MAF: variants seen among roughly 807,000 people sequenced by gnomAD.
The protein encoded by MAF is MAF bZIP transcription factor, also known as transcription factor Maf.
A neutral mutation model predicts 22.0 loss-of-function variants in MAF; 10 were observed. That is an observed-to-expected ratio of 0.45 (90% CI 0.28 to 0.77). The LOEUF (loss-of-function observed/expected upper bound fraction) is 0.77, where lower values mean the gene tolerates loss of function less well. Ranked by LOEUF, MAF falls within the 30% of genes least tolerant of loss-of-function variation. MAF has a pLI of 0.12. For missense variants in MAF, 544 were observed against 548.4 expected, an observed-to-expected ratio of 0.99 and a Z score of 0.08; for synonymous variants, 337 against 255.8, an observed-to-expected ratio of 1.32 and a Z score of -3.03.
chr16:79,265,421 G>A, the MAF span, among the ~76,000 whole-genome samples: 1 of 152,082 alleles, frequency 6.6e-6, no homozygotes, highest in Non-Finnish European at 1.5e-5. Flanking sequence ...CTTTCGCCAG[G>A]GTCCCGAATA....
At chr16:79,354,672 C>A in the MAF span, among the ~76,000 whole-genome samples, 1 of 152,088 alleles carries the variant, frequency 6.6e-6, no homozygotes, top group South Asian at 2.1e-4. Flanking sequence ...CATTTTATGC[C>A]CATTTGTCCA....
the MAF span, among the ~76,000 whole-genome samples, chr16:79,285,429 A>G: frequency 6.6e-6 from 1 of 152,070 alleles, no homozygotes; most frequent in Non-Finnish European, 1.5e-5. Flanking sequence ...CCTAAGCTGT[A>G]CAGCTGGAAA....
At chr16:79,365,385 T>C in the MAF span, among the ~76,000 whole-genome samples, 2 of 152,232 alleles carry the variant, frequency 1.3e-5, no homozygotes, top group East Asian at 1.9e-4. Flanking sequence ...GAAAGTGGAG[T>C]TGAAAACAAA....
chr16:79,237,703 G>A, the MAF span, among the ~76,000 whole-genome samples: 1 of 152,122 alleles, frequency 6.6e-6, no homozygotes. Context: ...GTTTGGGGCT[G>A]GATCACTCTT....
chr16:79,508,986 T>C, the MAF span, among the ~76,000 whole-genome samples: 1 of 152,338 alleles, frequency 6.6e-6, no homozygotes, highest in South Asian at 2.1e-4. Flanking sequence ...ACAAATTGTA[T>C]ACTTTAAACC....
the MAF span, among the ~76,000 whole-genome samples, chr16:79,249,748 C>CCCTCCCTT: frequency 6.6e-6 from 1 of 151,922 alleles, no homozygotes; most frequent in Non-Finnish European, 1.5e-5. Flanking sequence ...CCCGCTCCCT[C>CCCTCCCTT]CCTCCCTTCC....
chr16:79,502,571 T>C, the MAF span, among the ~76,000 whole-genome samples: 3 of 150,678 alleles, frequency 2.0e-5, no homozygotes, highest in Admixed American at 1.3e-4. Flanking sequence ...GAGGCTGGGG[T>C]GAGAGGATAG....
chr16:79,384,451 GA>G, the MAF span, among the ~76,000 whole-genome samples: 181 of 109,812 alleles, frequency 1.6e-3, no homozygotes, highest in East Asian at 5.1e-3. Context: ...GTCTCAAAAA[GA>G]AAAAAAAAAA....
the MAF span, among the ~76,000 whole-genome samples, chr16:79,465,170 C>A: frequency 1.3e-5 from 2 of 152,184 alleles, no homozygotes; most frequent in Non-Finnish European, 2.9e-5. Context: ...TCAATGCTGA[C>A]AATACCAAAA....
At chr16:79,493,498 A>T in the MAF span, among the ~76,000 whole-genome samples, 30 of 152,224 alleles carry the variant, frequency 2.0e-4, no homozygotes, top group African/African-American at 7.2e-4. Context: ...TATTTTTAGT[A>T]GAGACAGGTT....
At chr16:79,320,724 C>T in the MAF span, among the ~76,000 whole-genome samples, 1 of 152,174 alleles carries the variant, frequency 6.6e-6, no homozygotes. Flanking sequence ...CTGTTGTGAA[C>T]ATTAAATGAT....
At chr16:79,465,670 T>C in the MAF span, among the ~76,000 whole-genome samples, 1 of 152,166 alleles carries the variant, frequency 6.6e-6, no homozygotes, top group Non-Finnish European at 1.5e-5. Context: ...TTTTTTTAAA[T>C]CAGACTGATC....
At chr16:79,547,567 G>A in the MAF span, among the ~76,000 whole-genome samples, 14 of 152,040 alleles carry the variant, frequency 9.2e-5, no homozygotes, top group South Asian at 2.1e-4. Flanking sequence ...AAAGTTAATC[G>A]TAAAGCAATT....
the MAF span, among the ~76,000 whole-genome samples, chr16:79,571,530 A>ATTTTTT: frequency 1.2e-4 from 12 of 103,872 alleles, no homozygotes; most frequent in African/African-American, 3.3e-4. Context: ...TCTCAGCGGA[A>ATTTTTT]TTTTTTTTTT....
chr16:79,499,972 A>G, the MAF span, among the ~76,000 whole-genome samples: 38 of 152,308 alleles, frequency 2.5e-4, 1 homozygote, highest in Non-Finnish European at 4.7e-4. Flanking sequence ...AGAAAGAGGC[A>G]GAGGGAGTTT....
At chr16:79,302,314 A>T in the MAF span, among the ~76,000 whole-genome samples, 1 of 152,242 alleles carries the variant, frequency 6.6e-6, no homozygotes, top group African/African-American at 2.4e-5. Context: ...TCTAATTTCT[A>T]ATGAGCAATG....
chr16:79,408,087 A>AAAC, the MAF span, among the ~76,000 whole-genome samples: 1 of 149,132 alleles, frequency 6.7e-6, no homozygotes, highest in African/African-American at 2.4e-5. Context: ...TCAAAAAAAA[A>AAAC]AAAAAAAAAA....
At chr16:79,446,594 C>CG in the MAF span, among the ~76,000 whole-genome samples, 1 of 152,150 alleles carries the variant, frequency 6.6e-6, no homozygotes, top group Non-Finnish European at 1.5e-5. Context: ...ATTGAAGGCA[C>CG]GTCTCACTTC....
At chr16:79,591,371 T>C (rs528912391), downstream of MAF, among the ~76,000 whole-genome samples, 1 of 152,170 alleles carries the variant, frequency 6.6e-6, no homozygotes, top group African/African-American at 2.4e-5. Context: ...GACTCCTTCA[T>C]CCTCCTTTCT....
Sources: allele counts gnomAD v4.1 joint callset (sites outside exome capture counted in the v4.1 genomes callset), GRCh38; gene constraint gnomAD v4.1.1; transcripts MANE v1.5; gene names NCBI Gene and HGNC (gene_info 2026-07-23, HGNC 2026-07-21).